Variants in RAD51D observed in about 807,000 individuals in gnomAD.
The protein encoded by RAD51D is RAD51 paralog D.
Under a neutral mutation model 44.1 loss-of-function variants are expected in RAD51D, and 38 were observed. That is an observed-to-expected ratio of 0.86 (90% confidence interval 0.67 to 1.13). The LOEUF is 1.13. RAD51D is among the 50% of genes most tolerant of loss of function. The pLI, the probability that RAD51D is intolerant of heterozygous loss-of-function variation, is 0.00. For synonymous variants in RAD51D, 141 were observed against 166.6 expected, an observed-to-expected ratio of 0.85 and a Z score of 1.18; for missense variants, 390 against 414.0, an observed-to-expected ratio of 0.94 and a Z score of 0.50.
rs1170979063 is a variant in RAD51D at position 35,097,646 on chromosome 17, T to C, written c.*3307A>G. The C allele has an allele frequency of 1.3e-5, 2 of 152,078 alleles. No homozygotes were observed. Among genetic ancestry groups the C allele is most frequent in the Non-Finnish European group, 2.9e-5 (2 of 68,006 alleles). The allele number at this position is 152,078 out of a possible 1,614,324, so 9.4% of individuals were successfully genotyped here. A position where few individuals can be genotyped will look rare whatever the true frequency, so the allele number is the denominator to read the frequency against. On this transcript the variant is annotated 3_prime_UTR_variant, in exon 10 of 10. Transcript: ENST00000345365. The stretch of plus-strand genomic sequence containing the variant: ...CGCTTTATGGAAGGAACCCCTGAGA[T>C]AGAGCCAGTCCTTTGCTTTTTTAAA...
intron 3 of RAD51D, among the ~76,000 whole-genome samples, chr17:35,110,697 T>C (rs1414772286): frequency 2.0e-5 from 3 of 152,218 alleles, no homozygotes; most frequent in Non-Finnish European, 4.4e-5. Flanking sequence ...TGTACCCTTG[T>C]CAAAAATCAA....
intron 3 of RAD51D, among the ~76,000 whole-genome samples, chr17:35,108,189 G>A (rs1338898645): frequency 1.3e-5 from 2 of 151,200 alleles, no homozygotes; most frequent in Non-Finnish European, 2.9e-5. Flanking sequence ...AGGTTACAGT[G>A]AGCCGAGATC....
chr17:35,106,608 T>TAATG, intron 5 of RAD51D, 127 bp from the exon 6 acceptor site: 1 of 746,392 alleles, frequency 1.3e-6, no homozygotes. Flanking sequence ...GAGCTTTGTC[T>TAATG]AATGGTCAGT....
Position 35,106,417 on chromosome 17 carries a change from A to G in RAD51D, c.545T>C (p.Leu182Pro). ...GGCCACAGTGCCTCGGAGCTCCTGC[A>G]GCACATCCAGCATCTGGAAGATGTC... ...AFDIFQMLDV[L>P]QELRGTVAQQ... Residue 182 changes from leucine to proline, a missense_variant, in exon 6 of 10, where the codon CTG (leucine) becomes CCG (proline). By Grantham distance (98) the Leu-to-Pro change is moderately conservative (BLOSUM62 -3). Coordinates refer to ENST00000345365, the MANE Select transcript of RAD51D (RefSeq NM_002878.4). 1 of 1,613,386 alleles carries G rather than the reference A, an allele frequency of 6.2e-7. No homozygotes were observed. The highest frequency in any genetic ancestry group is 8.5e-7 in the Non-Finnish European group (1 of 1,179,714).
chr17:35,106,270 T>TG (rs1309998372), intron 6 of RAD51D, 116 bp downstream of exon 6: 2 of 849,970 alleles, frequency 2.4e-6, no homozygotes, highest in Non-Finnish European at 4.1e-6. Flanking sequence ...CAAGCATAGT[T>TG]GGAGTCACCA....
Position 35,099,858 on chromosome 17 carries a change from C to T in RAD51D, c.*1095G>A, listed in dbSNP as rs1182171617. ...CGTCCCCTCCCAGCCAGGGTCATGG[C>T]TCTCAGACGGATGGCCACAGTGCTG... On this transcript the variant is annotated 3_prime_UTR_variant, in exon 10 of 10. Transcript: ENST00000345365. The T allele has an allele frequency of 2.0e-6, 1 of 510,616 alleles. No homozygotes were observed. The highest frequency in any genetic ancestry group is 1.9e-5 in the African/African-American group (1 of 52,616). 31.6% of individuals were successfully genotyped at this position (510,616 alleles called of 1,614,324 possible).
At chr17:35,113,455 G>A in intron 3 of RAD51D, 1 of 283,748 alleles carries the variant, frequency 3.5e-6, no homozygotes, top group Non-Finnish European at 7.3e-6. Flanking sequence ...TTTTAGTAGA[G>A]ATGGGGTTTC....
At position 35,092,945 on chromosome 17, in the gene RAD51D, T is replaced by G. The variant is rs1276703470; in HGVS notation, c.*8008A>C. ...TGGCTACACTGTTTGCAAGAAACAG[T>G]GCAAAATATGGGATGCTTGTTTAAA... is the stretch of plus-strand genomic sequence containing the variant. On this transcript the variant is annotated 3_prime_UTR_variant, in exon 10 of 10. Transcript: ENST00000345365. The G allele has an allele frequency of 6.6e-6, 1 of 152,210 alleles. No homozygotes were observed. The highest frequency in any genetic ancestry group is 1.9e-4 in the East Asian group (1 of 5,194). 9.4% of individuals were successfully genotyped at this position (152,210 alleles called of 1,614,324 possible).
Position 35,101,237 on chromosome 17 carries a change from G to C in RAD51D, c.867C>G (p.Gly289=), listed in dbSNP as rs2091532621. ...DTIEGAGASG[G]RRMACLAKSS... ...ATTTGGCCAGACACGCCATGCGCCG[G>C]CCGCCTGATGCTCCTGCTCCCTCGA... Residue 289 remains glycine, a synonymous_variant, in exon 9 of 10, where the codon GGC becomes GGG. Transcript: ENST00000345365. The C allele has an allele frequency of 6.2e-7, 1 of 1,614,134 alleles. No individual in the cohort carries two copies. Among genetic ancestry groups the C allele is most frequent in the Non-Finnish European group, 8.5e-7 (1 of 1,180,026 alleles).
rs770831162 is a variant in RAD51D, at chr17:35,100,913, G to A, written c.*40C>T. On this transcript the variant is annotated 3_prime_UTR_variant, in exon 10 of 10. Transcript: ENST00000345365. ...GTTACTGGGAAGAAAAGTTGGGAGG[G>A]GTCCCCAATGCTTCCCTGTTTCCCA... is the stretch of plus-strand genomic sequence containing the variant. 1.9e-6 allele frequency: 3 copies of A among 1,552,650 alleles called. No individual in the cohort carries two copies. The South Asian group carries it at 3.3e-5, about 17-fold the overall frequency.
chr17:35,114,383 C>CA (rs1342467713), intron 3 of RAD51D, among the ~76,000 whole-genome samples: 1 of 151,942 alleles, frequency 6.6e-6, no homozygotes, highest in East Asian at 1.9e-4. Context: ...CTGGGAGCTT[C>CA]AAAAAAATAC....
chr17:35,118,966 C>A, intron 2 of RAD51D, 145 bp downstream of exon 2: 1 of 768,428 alleles, frequency 1.3e-6, no homozygotes. Context: ...TGGTCTCGAA[C>A]TCCTGACTTC....
intron 1 of RAD51D, 94 bp from the exon 2 acceptor site, chr17:35,119,266 C>T: frequency 1.6e-6 from 2 of 1,229,024 alleles, no homozygotes; most frequent in South Asian, 1.2e-5. Flanking sequence ...GTCAATTCTA[C>T]CCCCCGGCAG....
In RAD51D at chr17:35,119,583, C is replaced by T. The variant is rs776471760; in HGVS notation, c.31G>A (p.Gly11Ser). The change falls in exon 1 of 10, where the codon GGC (glycine) becomes AGC (serine). Residue 11 changes from glycine to serine, a missense_variant. Transcript: ENST00000345365. ...AGCTGGATCATCTCCTCGGTAAGGC[C>T]AGGGCACAGTCCGACCCTGAGCACG... MGVLRVGLCP[G>S]LTEEMIQLLR... 6.2e-7 allele frequency: 1 copy of T among 1,612,580 alleles called. No homozygotes were observed. The highest frequency in any genetic ancestry group is 1.7e-5 in the Admixed American group (1 of 60,030).
At chr17:35,106,548 G>A in intron 5 of RAD51D, 67 bp from the exon 6 acceptor site, 1 of 1,172,910 alleles carries the variant, frequency 8.5e-7, no homozygotes, top group Non-Finnish European at 1.2e-6. Flanking sequence ...AGGTAAGGCT[G>A]AGAAGGAAGA....
At chr17:35,101,697 C>A (rs2091540787) in intron 8 of RAD51D, among the ~76,000 whole-genome samples, 1 of 152,110 alleles carries the variant, frequency 6.6e-6, no homozygotes, top group African/African-American at 2.4e-5. Context: ...GTGTGGGCCA[C>A]CACGCCCAGA....
intron 3 of RAD51D, among the ~76,000 whole-genome samples, chr17:35,115,922 AGG>A (rs2091732526): frequency 1.5e-5 from 2 of 130,052 alleles, no homozygotes; most frequent in South Asian, 2.6e-4. Context: ...GAAGGAAGGA[AGG>A]AAGGAAGGAA....
rs1057524665 is a variant in RAD51D at position 35,107,402 on chromosome 17, A to G, written c.309T>C (p.Thr103=). The G allele has an allele frequency of 6.4e-7, 1 of 1,567,068 alleles. No individual in the cohort carries two copies. Among genetic ancestry groups the G allele is most frequent in the South Asian group, 1.1e-5 (1 of 90,072 alleles). Residue 103 remains threonine (T), a synonymous_variant, in exon 4 of 10, where the codon ACT becomes ACC. Coordinates refer to ENST00000345365, the MANE Select transcript of RAD51D (RefSeq NM_002878.4). ...CGCTACCTGGGCCTCCTACAATTTC[A>G]GTCACTTCTCCAGTATAGAGACCAG... The part of the protein sequence containing the change: ...LDAGLYTGEV[T]EIVGGPGSGK...
At position 35,118,868 on chromosome 17, in the gene RAD51D, G is replaced by A. The variant is rs555157021; in HGVS notation, c.144+243C>T. Among the ~76,000 whole-genome samples the A allele has an allele frequency of 3.9e-4, 60 of 152,254 alleles. No individual in the cohort carries two copies. The South Asian group carries it at 0.012, about 29-fold the overall frequency. On this transcript the variant is annotated intron_variant, in intron 2 of 9. Coordinates refer to ENST00000345365, the MANE Select transcript of RAD51D (RefSeq NM_002878.4). ...AATGATTCTCCTTCCTCAGCCTCCC[G>A]AGTAGCTGGGATTGTAGGCGTGGGC...
Sources: gnomAD v4.1 joint callset for allele counts (sites outside exome capture counted in the v4.1 genomes callset) on GRCh38, gnomAD v4.1.1 for gene constraint, MANE v1.5 for transcripts, NCBI Gene and HGNC (gene_info 2026-07-23, HGNC 2026-07-21) for gene names.